The following CPD variants were observed in gnomAD, a reference collection of about 807,000 sequenced individuals.
CPD encodes carboxypeptidase D, also known as metallocarboxypeptidase D.
CPD carries 69 observed loss-of-function variants against 138.3 expected under a neutral mutation model. That is an observed-to-expected ratio of 0.50 (90% confidence interval 0.41 to 0.61). The LOEUF (loss-of-function observed/expected upper bound fraction) is 0.61. Ranked by LOEUF, CPD falls within the 20% of genes least tolerant of loss-of-function variation. CPD has a pLI of 0.00. For synonymous variants in CPD, 651 were observed against 642.1 expected (o/e 1.01, Z -0.21); for missense variants, 1,432 against 1,733.3 (o/e 0.83, Z 3.09).
intron 14 of CPD, 48 bp from the exon 15 acceptor site, chr17:30,455,291 C>G (rs1913264402): frequency 2.7e-6 from 4 of 1,495,426 alleles, no homozygotes; most frequent in Non-Finnish European, 3.6e-6. Flanking sequence ...GATACTCATA[C>G]TAAGATTTAA....
intron 5 of CPD, among the ~76,000 whole-genome samples, chr17:30,423,249 A>T (rs1912315176): frequency 6.6e-6 from 1 of 152,220 alleles, no homozygotes; most frequent in Non-Finnish European, 1.5e-5. Flanking sequence ...ATAAGTGCAT[A>T]GATTAGATTT....
Position 30,397,737 on chromosome 17 carries a change from CAAAAA to C in CPD, c.994+12522_994+12526del, listed in dbSNP as rs71138885. On this transcript the variant is annotated intron_variant, in intron 2 of 20. Coordinates refer to ENST00000225719, the MANE Select transcript of CPD (RefSeq NM_001304.5). Reference sequence around the variant, plus strand: ...GGGTGACAGAGCAAGACTCCTGTCTCAAAAAAAAAAAAAAAAAAAAAAAAAGAAGA... The same window carrying C: ...GGGTGACAGAGCAAGACTCCTGTCTCAAAAAAAAAAAAAAAAAAAAGAAGA... Among the ~76,000 whole-genome samples, 33 of 31,850 alleles carry C rather than the reference CAAAAA, an allele frequency of 1.0e-3. 1 individual carries two copies. The highest frequency in any genetic ancestry group is 6.8e-3 in the Admixed American group (17 of 2,504). The allele number at this position is 31,850 out of a possible 152,430, so 20.9% of individuals were successfully genotyped here.
At chr17:30,442,269 A>G in intron 9 of CPD, 39 bp from the exon 10 acceptor site, 2 of 1,596,644 alleles carry the variant, frequency 1.3e-6, no homozygotes, top group Non-Finnish European at 1.7e-6. Flanking sequence ...GCTGTTTAGA[A>G]CTTCTTCAGA....
chr17:30,405,599 C>G (rs1357797182), intron 2 of CPD, among the ~76,000 whole-genome samples: 1 of 152,064 alleles, frequency 6.6e-6, no homozygotes, highest in East Asian at 1.9e-4. Context: ...ATTCCAAATG[C>G]TTTTGTTTCA....
intron 2 of CPD, among the ~76,000 whole-genome samples, chr17:30,409,080 T>A (rs1567871098): frequency 6.6e-6 from 1 of 152,130 alleles, no homozygotes; most frequent in Non-Finnish European, 1.5e-5. Context: ...TGTTGAATTT[T>A]GTCTAAGGCC....
At position 30,414,324 on chromosome 17, in the gene CPD, C is replaced by G. The variant is rs577915703; in HGVS notation, c.995-6517C>G. 2.5e-3 allele frequency among the ~76,000 whole-genome samples: 376 copies of G among 152,228 alleles called. 1 individual carries two copies. The highest frequency in any genetic ancestry group is 8.6e-3 in the African/African-American group (359 of 41,534). On this transcript the variant is annotated intron_variant, in intron 2 of 20. Transcript: ENST00000225719. ...GGCGCAGTGGCTCATGCCTGTAATCCCAGCACTTTGGGAGGCCAAGGTGGG... is the reference window on the plus strand; with the variant it reads ...GGCGCAGTGGCTCATGCCTGTAATCGCAGCACTTTGGGAGGCCAAGGTGGG...
rs556026965 is a variant in CPD at position 30,439,629 on chromosome 17, A to G, written c.2230+552A>G. ...TGTGTCCATGTGATCTCATTGTTCA[A>G]TTCCCACCTATGAGTGAGAATATGC... On this transcript the variant is annotated intron_variant, in intron 9 of 20. Transcript: ENST00000225719. Among the ~76,000 whole-genome samples, 14 of 116,636 alleles carry G rather than the reference A, an allele frequency of 1.2e-4. 1 individual carries two copies. The highest frequency in any genetic ancestry group is 6.3e-4 in the Admixed American group (7 of 11,072). The allele number at this position is 116,636 out of a possible 152,430, so 76.5% of individuals were successfully genotyped here.
intron 9 of CPD, among the ~76,000 whole-genome samples, chr17:30,440,348 A>G (rs1193522896): frequency 1.2e-5 from 1 of 82,136 alleles, no homozygotes. Flanking sequence ...ATTTTCTCCC[A>G]TTTTGTAGGT....
At chr17:30,393,278 G>T (rs1911406655) in intron 2 of CPD, among the ~76,000 whole-genome samples, 1 of 152,172 alleles carries the variant, frequency 6.6e-6, no homozygotes, top group Non-Finnish European at 1.5e-5. Flanking sequence ...GCTGGAAGTA[G>T]ATTGTTGATG....
At chr17:30,444,043 A>G (rs929627034) in intron 11 of CPD, 72 bp downstream of exon 11, 3 of 1,520,474 alleles carry the variant, frequency 2.0e-6, no homozygotes, top group Admixed American at 1.8e-5. Context: ...GATTATTACT[A>G]GAACGTTCTA....
chr17:30,435,599 A>G (rs1179937588), intron 8 of CPD, among the ~76,000 whole-genome samples: 1 of 152,196 alleles, frequency 6.6e-6, no homozygotes, highest in Non-Finnish European at 1.5e-5. Flanking sequence ...GTCCTCCTCT[A>G]GATATGACAT....
At chr17:30,392,287 G>A (rs528408959) in intron 2 of CPD, among the ~76,000 whole-genome samples, 89 of 152,222 alleles carry the variant, frequency 5.8e-4, no homozygotes, top group African/African-American at 2.0e-3. Flanking sequence ...TAGGATTACA[G>A]GCATGAGCCA....
rs1043823250 is a variant in CPD, at chr17:30,466,204, A to T, written c.*1390A>T. On this transcript the variant is annotated 3_prime_UTR_variant, in exon 21 of 21. Coordinates refer to ENST00000225719, the MANE Select transcript of CPD (RefSeq NM_001304.5). ...TGATGTAACGGTTTAATACCTTTGA[A>T]TGTTTTAATAACCAAGTTGCTGCTG... The T allele has an allele frequency of 6.6e-6, 1 of 152,596 alleles. No individual in the cohort carries two copies. The highest frequency in any genetic ancestry group is 1.5e-5 in the Non-Finnish European group (1 of 68,012). The allele number at this position is 152,596 out of a possible 1,614,324, so 9.5% of individuals were successfully genotyped here.
In CPD at chr17:30,451,305, T is replaced by C. The variant is rs146271680; in HGVS notation, c.3070-406T>C. Reference sequence around the variant, plus strand: ...CTTAAATCAGACTGACCAAAAATTATGTTATCTTCCTTTGTGGGACAGGTG... The same window carrying C: ...CTTAAATCAGACTGACCAAAAATTACGTTATCTTCCTTTGTGGGACAGGTG... On this transcript the variant is annotated intron_variant, in intron 13 of 20. Transcript: ENST00000225719. Among the ~76,000 whole-genome samples, 17 of 152,344 alleles carry C rather than the reference T, an allele frequency of 1.1e-4. 1 individual carries two copies. Among genetic ancestry groups the C allele is most frequent in the African/African-American group, 2.9e-4 (12 of 41,578 alleles).
chr17:30,462,615 T>C (rs1212273040), intron 20 of CPD, 146 bp downstream of exon 20: 7 of 637,874 alleles, frequency 1.1e-5, no homozygotes, highest in Middle Eastern at 4.2e-4. Flanking sequence ...TTCCTGGACC[T>C]CTGTTCTCGC....
intron 2 of CPD, among the ~76,000 whole-genome samples, chr17:30,419,915 A>G (rs1246329132): frequency 6.6e-6 from 1 of 152,222 alleles, no homozygotes; most frequent in Non-Finnish European, 1.5e-5. Flanking sequence ...GATCTGAAGG[A>G]TCCTGTGTGA....
At chr17:30,397,182 C>G (rs891526187) in intron 2 of CPD, among the ~76,000 whole-genome samples, 11 of 151,854 alleles carry the variant, frequency 7.2e-5, no homozygotes, top group Admixed American at 3.9e-4. Context: ...TATTATTTAC[C>G]AAAATTTGTA....
At chr17:30,417,723 T>C (rs1912149139) in intron 2 of CPD, among the ~76,000 whole-genome samples, 1 of 152,212 alleles carries the variant, frequency 6.6e-6, no homozygotes, top group South Asian at 2.1e-4. Flanking sequence ...AGAAACTGCC[T>C]AACCGGGCTT....
chr17:30,463,357 T>C (rs991181069), intron 20 of CPD, among the ~76,000 whole-genome samples: 5 of 152,230 alleles, frequency 3.3e-5, no homozygotes, highest in South Asian at 4.1e-4. Flanking sequence ...GAGGGAGGAA[T>C]CTACCTGTAT....
Sources: gnomAD v4.1 joint callset for allele counts (sites outside exome capture counted in the v4.1 genomes callset) on GRCh38, gnomAD v4.1.1 for gene constraint, MANE v1.5 for transcripts, NCBI Gene and HGNC (gene_info 2026-07-23, HGNC 2026-07-21) for gene names.